OR3A2: variants seen among roughly 807,000 people sequenced by gnomAD.
OR3A2 encodes olfactory receptor 3A2.
For missense variants in OR3A2, 318 were observed against 392.8 expected (o/e 0.81, Z 1.61); for synonymous variants, 126 against 159.3 (o/e 0.79, Z 1.57).
chr17:3,301,345 C>T (rs1292090613), intron 3 of OR3A2, among the ~76,000 whole-genome samples: 1 of 151,900 alleles, frequency 6.6e-6, no homozygotes, highest in Non-Finnish European at 1.5e-5. Flanking sequence ...ACATCCTCTC[C>T]AGCACCTGTT....
intron 2 of OR3A2, among the ~76,000 whole-genome samples, chr17:3,369,954 C>A (rs1409777888): frequency 6.6e-6 from 1 of 152,044 alleles, no homozygotes; most frequent in Non-Finnish European, 1.5e-5. Flanking sequence ...CAGGCGCATG[C>A]CACCACGCAT....
At chr17:3,348,032 A>G (rs569855942) in intron 2 of OR3A2, among the ~76,000 whole-genome samples, 3 of 152,284 alleles carry the variant, frequency 2.0e-5, no homozygotes, top group African/African-American at 7.2e-5. Context: ...TTTTGGCTGC[A>G]TAAATGTCTT....
intron 2 of OR3A2, among the ~76,000 whole-genome samples, chr17:3,343,531 C>T (rs902480902): frequency 3.3e-5 from 5 of 152,232 alleles, no homozygotes; most frequent in African/African-American, 1.2e-4. Context: ...CTTTCACTTA[C>T]TGCCATGCAT....
At chr17:3,355,475 T>A (rs1036035686) in intron 2 of OR3A2, among the ~76,000 whole-genome samples, 2 of 149,342 alleles carry the variant, frequency 1.3e-5, no homozygotes, top group Non-Finnish European at 3.0e-5. Context: ...GCTCTAATAA[T>A]GTTTGCTTTA....
rs140456640 is a variant in OR3A2 at position 3,298,832 on chromosome 17, C to T, written c.-84-19679G>A. Among the ~76,000 whole-genome samples, 1,194 of 152,246 alleles carry T rather than the reference C, an allele frequency of 7.8e-3. 10 individuals carry two copies. The highest frequency in any genetic ancestry group is 0.02 in the Middle Eastern group (6 of 294). ...CAAAGAAGGGCCATATACGAGAAAA[C>T]GAGTGAGCCAGAAATGAGATCATCC... is the stretch of plus-strand genomic sequence containing the variant. On this transcript the variant is annotated intron_variant, in intron 3 of 4. Coordinates refer to the OR3A2 transcript ENST00000573491.
intron 2 of OR3A2, among the ~76,000 whole-genome samples, chr17:3,348,033 T>C (rs2049383398): frequency 6.6e-6 from 1 of 152,228 alleles, no homozygotes; most frequent in Admixed American, 6.5e-5. Context: ...TTTGGCTGCA[T>C]AAATGTCTTC....
In OR3A2 at chr17:3,367,599, G is replaced by GTATATATAATATATATATATA. The variant is rs201439962; in HGVS notation, c.-179+16204_-179+16205insTATATATATATATTATATATA. Among the ~76,000 whole-genome samples, 190 of 85,954 alleles carry GTATATATAATATATATATATA rather than the reference G, an allele frequency of 2.2e-3. 1 individual carries two copies. The highest frequency in any genetic ancestry group is 8.9e-3 in the African/African-American group (176 of 19,796). The allele number at this position is 85,954 out of a possible 152,430, so 56.4% of individuals were successfully genotyped here. On this transcript the variant is annotated intron_variant, in intron 2 of 4. Coordinates refer to the OR3A2 transcript ENST00000573491. ...GGTGTATATGTATATGTGTGTGTGTGTGTATATATATATATATATATATGC... is the reference window on the plus strand; with the variant it reads ...GGTGTATATGTATATGTGTGTGTGTGTATATATAATATATATATATATGTATATATATATATATATATATGC...
chr17:3,352,102 T>TA (rs1370198409), intron 2 of OR3A2, among the ~76,000 whole-genome samples: 2 of 152,040 alleles, frequency 1.3e-5, no homozygotes, highest in Admixed American at 1.3e-4. Context: ...TAATCAGGAT[T>TA]AGATTTTTTT....
intron 2 of OR3A2, among the ~76,000 whole-genome samples, chr17:3,383,379 C>T (rs566542568): frequency 2.0e-5 from 3 of 152,208 alleles, no homozygotes; most frequent in Non-Finnish European, 4.4e-5. Flanking sequence ...TATTAGCATC[C>T]GTTCCCTGCT....
At chr17:3,328,755 T>C (rs1359951819) in intron 3 of OR3A2, among the ~76,000 whole-genome samples, 1 of 143,244 alleles carries the variant, frequency 7.0e-6, no homozygotes, top group Non-Finnish European at 1.5e-5. Flanking sequence ...TTATTGAGAG[T>C]TTTTAGCATG....
intron 3 of OR3A2, among the ~76,000 whole-genome samples, chr17:3,322,977 G>A (rs926139902): frequency 2.0e-5 from 3 of 152,086 alleles, no homozygotes; most frequent in African/African-American, 7.3e-5. Context: ...GGGTGTTAAA[G>A]TCTCCCATTA....
At chr17:3,370,200 T>C (rs556622095) in intron 2 of OR3A2, among the ~76,000 whole-genome samples, 24 of 152,348 alleles carry the variant, frequency 1.6e-4, no homozygotes, top group Middle Eastern at 6.8e-3. Flanking sequence ...TGTTTCAATC[T>C]TGCTACTTGT....
chr17:3,355,428 T>TTCTCTCTCTCTCTCTCTCTCTC (rs3037631), intron 2 of OR3A2, among the ~76,000 whole-genome samples: 1 of 139,582 alleles, frequency 7.2e-6, no homozygotes, highest in African/African-American at 2.9e-5. Flanking sequence ...ATGTTGGCAT[T>TTCTCTCTCTCTCTCTCTCTCTC]TCTCTCTCTC....
rs372695716 is a variant in OR3A2, at chr17:3,358,388, T to C, written c.-178-22262A>G. On this transcript the variant is annotated intron_variant, in intron 2 of 4. Transcript: ENST00000573491. Reference sequence around the variant, plus strand: ...AAGTTATGTTGTTAATTTGATATCTTTTTAACTTTTTGATGTGGGCATTTA... The same window carrying C: ...AAGTTATGTTGTTAATTTGATATCTCTTTAACTTTTTGATGTGGGCATTTA... Among the ~76,000 whole-genome samples the C allele has an allele frequency of 2.4e-4, 36 of 151,832 alleles. 1 individual carries two copies. Among genetic ancestry groups the C allele is most frequent in the African/African-American group, 8.5e-4 (35 of 41,132 alleles).
chr17:3,321,175 CTGTT>C (rs988771858), intron 3 of OR3A2, among the ~76,000 whole-genome samples: 130 of 151,464 alleles, frequency 8.6e-4, no homozygotes, highest in Non-Finnish European at 1.3e-3. Flanking sequence ...ATTTGGCTCT[CTGTT>C]TGTCTGTTGT....
chr17:3,281,966 C>G (rs1184134330), intron 1 of OR3A2, among the ~76,000 whole-genome samples: 1 of 152,138 alleles, frequency 6.6e-6, no homozygotes, highest in Non-Finnish European at 1.5e-5. Context: ...AATGCCCAGC[C>G]AGGACAGAGA....
chr17:3,276,745 C>T (rs1166265027), downstream of OR3A2, among the ~76,000 whole-genome samples: 1 of 152,072 alleles, frequency 6.6e-6, no homozygotes, highest in Non-Finnish European at 1.5e-5. Context: ...CTTTCAAAAA[C>T]TTTATCATAT....
chr17:3,292,514 C>T (rs150014531), intron 3 of OR3A2: 58 of 1,613,762 alleles, frequency 3.6e-5, no homozygotes, highest in Admixed American at 2.5e-4. Context: ...GCAGCCCTGG[C>T]GCCTCCAGCA....
At chr17:3,351,089 C>A (rs376778827) in intron 2 of OR3A2, among the ~76,000 whole-genome samples, 1 of 151,126 alleles carries the variant, frequency 6.6e-6, no homozygotes, top group Non-Finnish European at 1.5e-5. Flanking sequence ...ACTGAATGGG[C>A]AAAAGCTGGA....
Sources: gnomAD v4.1 joint callset for allele counts (sites outside exome capture counted in the v4.1 genomes callset) on GRCh38, gnomAD v4.1.1 for gene constraint, MANE v1.5 for transcripts, NCBI Gene and HGNC (gene_info 2026-07-23, HGNC 2026-07-21) for gene names.